The following ETV1 variants were observed in gnomAD, a reference collection of about 807,000 sequenced individuals.
The protein encoded by ETV1 is ETS variant transcription factor 1, also known as ETS translocation variant 1.
A neutral mutation model predicts 62.3 loss-of-function variants in ETV1; 27 were observed. That is an observed-to-expected ratio of 0.43 (90% CI 0.32 to 0.60). The LOEUF (loss-of-function observed/expected upper bound fraction) is 0.60, where lower values mean the gene tolerates loss of function less well. Among genes scored for constraint, ETV1 ranks in the 20% least tolerant of loss-of-function variants. The pLI, the probability that ETV1 is intolerant of heterozygous loss-of-function variation, is 0.06. For missense variants in ETV1, 605 were observed against 605.8 expected (o/e 1.00, Z 0.01); for synonymous variants, 222 against 199.6 (o/e 1.11, Z -0.94).
chr7:13,989,390 C>T lies in ETV1; in HGVS notation c.-210G>A. 1 of 461,188 alleles carries T rather than the reference C, an allele frequency of 2.2e-6. No homozygotes were observed. The highest frequency in any genetic ancestry group is 3.8e-6 in the Non-Finnish European group (1 of 263,814). 28.6% of individuals were successfully genotyped at this position (461,188 alleles called of 1,614,324 possible). ...GTTTCCCTGCGCGGTCGGTGTACCCCGGGCAGCTCTGATTCGCAAACGTGT... is the reference window on the plus strand; with the variant it reads ...GTTTCCCTGCGCGGTCGGTGTACCCTGGGCAGCTCTGATTCGCAAACGTGT... On this transcript the variant is annotated 5_prime_UTR_variant, in exon 2 of 14. Coordinates refer to ENST00000430479, the MANE Select transcript of ETV1 (RefSeq NM_004956.5).
chr7:13,966,700 G>A (rs1281499884), intron 6 of ETV1, among the ~76,000 whole-genome samples: 1 of 151,958 alleles, frequency 6.6e-6, no homozygotes, highest in Non-Finnish European at 1.5e-5. Context: ...TGAAACCTAA[G>A]CACATTTTCT....
intron 13 of ETV1, among the ~76,000 whole-genome samples, chr7:13,896,789 A>AAAGAAAGAAAGG (rs1491140240): frequency 1.3e-5 from 2 of 151,286 alleles, no homozygotes; most frequent in African/African-American, 2.4e-5. Flanking sequence ...AGAAAGAAAG[A>AAAGAAAGAAAGG]AAGGATACAC....
At chr7:13,918,232 G>A (rs1311795150) in intron 9 of ETV1, among the ~76,000 whole-genome samples, 1 of 152,042 alleles carries the variant, frequency 6.6e-6, no homozygotes, top group African/African-American at 2.4e-5. Context: ...GTTCATTTGG[G>A]TATATACCCA....
chr7:13,933,483 G>A (rs942371883), intron 8 of ETV1, among the ~76,000 whole-genome samples: 2 of 152,228 alleles, frequency 1.3e-5, no homozygotes, highest in African/African-American at 4.8e-5. Flanking sequence ...CAGGGCTCCT[G>A]CACAGTGGGT....
chr7:13,914,219 T>C (rs1783892165), intron 9 of ETV1, among the ~76,000 whole-genome samples: 1 of 152,050 alleles, frequency 6.6e-6, no homozygotes, highest in Non-Finnish European at 1.5e-5. Flanking sequence ...TTTACAGTAT[T>C]ACCCCCTCAT....
At position 13,988,494 on chromosome 7, in the gene ETV1, G is replaced by A; in HGVS notation, c.46-321C>T. On this transcript the variant is annotated intron_variant, in intron 3 of 13. Transcript: ENST00000430479. ...TACACTTAAAGTTGTTTTTAGGCTG[G>A]TTCAATGCTAGATTAAAACAGTGGG... 4.4e-6 allele frequency: 3 copies of A among 674,448 alleles called. No homozygotes were observed. In the South Asian group the frequency reaches 6.5e-5, roughly 15 times the overall value. The allele number at this position is 674,448 out of a possible 1,614,324, so 41.8% of individuals were successfully genotyped here. A position where few individuals can be genotyped will look rare whatever the true frequency, so the allele number is the denominator to read the frequency against.
At chr7:13,915,865 T>C (rs570427388) in intron 9 of ETV1, among the ~76,000 whole-genome samples, 1 of 152,314 alleles carries the variant, frequency 6.6e-6, no homozygotes, top group African/African-American at 2.4e-5. Flanking sequence ...GTGAGAATGA[T>C]AGCAAAAAAG....
chr7:13,963,346 C>T (rs898185009), intron 6 of ETV1, among the ~76,000 whole-genome samples: 2 of 151,808 alleles, frequency 1.3e-5, no homozygotes, highest in Admixed American at 1.3e-4. Flanking sequence ...CTGCATGTTA[C>T]CAAAATAAAG....
intron 10 of ETV1, among the ~76,000 whole-genome samples, chr7:13,909,908 T>C (rs1783391072): frequency 1.3e-5 from 2 of 152,144 alleles, no homozygotes; most frequent in Admixed American, 6.6e-5. Flanking sequence ...TATCATGTTA[T>C]AGGGTTGCTG....
intron 5 of ETV1, among the ~76,000 whole-genome samples, chr7:13,978,983 A>G (rs1781719184): frequency 6.6e-6 from 1 of 152,060 alleles, no homozygotes; most frequent in Admixed American, 6.6e-5. Context: ...ACAAATTAAT[A>G]ATTTTTTCAA....
chr7:13,950,012 G>C (rs936967275), intron 6 of ETV1, among the ~76,000 whole-genome samples: 1 of 152,090 alleles, frequency 6.6e-6, no homozygotes, highest in African/African-American at 2.4e-5. Context: ...AAGTTATTTC[G>C]GCAACACAGG....
Position 13,895,377 on chromosome 7 carries a change from A to C in ETV1, c.*489T>G, listed in dbSNP as rs917520537. 4.3e-6 allele frequency: 1 copy of C among 235,200 alleles called. No individual in the cohort carries two copies. Among genetic ancestry groups the C allele is most frequent in the African/African-American group, 2.2e-5 (1 of 45,382 alleles). The allele number at this position is 235,200 out of a possible 1,614,324, so 14.6% of individuals were successfully genotyped here. On this transcript the variant is annotated 3_prime_UTR_variant, in exon 14 of 14. Transcript: ENST00000430479. Reference sequence around the variant, plus strand: ...TTCTAACAATTAAACTGCCATTTACAGTAGATTGGGGTTTTTTTGTACACC... The same window carrying C: ...TTCTAACAATTAAACTGCCATTTACCGTAGATTGGGGTTTTTTTGTACACC...
At chr7:13,939,087 A>G (rs750623800) in intron 7 of ETV1, 30 bp downstream of exon 7, 14 of 1,600,294 alleles carry the variant, frequency 8.7e-6, no homozygotes, top group South Asian at 2.3e-5. Context: ...AAGAACCACT[A>G]TCCTACATAC....
intron 11 of ETV1, among the ~76,000 whole-genome samples, chr7:13,908,693 G>T (rs1380697748): frequency 6.6e-6 from 1 of 152,050 alleles, no homozygotes; most frequent in Non-Finnish European, 1.5e-5. Flanking sequence ...GTAGCACAAA[G>T]CTCGGGAACA....
At chr7:13,950,822 A>C (rs2128471717) in intron 6 of ETV1, among the ~76,000 whole-genome samples, 1 of 151,896 alleles carries the variant, frequency 6.6e-6, no homozygotes, top group East Asian at 1.9e-4. Context: ...GTTGCAAATA[A>C]CCAATTAACT....
In ETV1 at chr7:13,970,928, GA is replaced by G. The variant is rs796367190; in HGVS notation, c.235+6498del. Among the ~76,000 whole-genome samples, 1,105 of 145,586 alleles carry G rather than the reference GA, an allele frequency of 7.6e-3. 13 individuals carry two copies. Among genetic ancestry groups the G allele is most frequent in the African/African-American group, 0.025 (1,017 of 39,886 alleles). Reference sequence around the variant, plus strand: ...AAGTATTTCTTTTTTCCACTTCATTGAAAAAAAAAAGTCAAATGCTATTCTT... The same window carrying G: ...AAGTATTTCTTTTTTCCACTTCATTGAAAAAAAAAGTCAAATGCTATTCTT... On this transcript the variant is annotated intron_variant, in intron 6 of 13. Transcript: ENST00000430479.
At chr7:13,896,743 GGAAAGAAA>G (rs10694579) in intron 13 of ETV1, among the ~76,000 whole-genome samples, 2,873 of 114,972 alleles carry the variant, frequency 0.025, 58 homozygotes, top group Middle Eastern at 0.037. Flanking sequence ...AAGAAAGAAA[GGAAAGAAA>G]GAAAGAAAGA....
intron 9 of ETV1, among the ~76,000 whole-genome samples, chr7:13,926,135 T>G (rs1318544081): frequency 6.6e-6 from 1 of 152,186 alleles, no homozygotes; most frequent in Non-Finnish European, 1.5e-5. Flanking sequence ...CATAACTTAC[T>G]TTACCGTTCA....
Position 13,931,663 on chromosome 7 carries a change from T to C in ETV1, c.641A>G (p.Gln214Arg). The change falls in exon 9 of 14, where the codon CAG becomes CGG. Residue 214 changes from glutamine (Q) to arginine (R), a missense_variant. Physicochemically the swap from Gln to Arg is conservative, Grantham distance 43. Coordinates refer to ENST00000430479, the MANE Select transcript of ETV1 (RefSeq NM_004956.5). ...GAAGGGGATGTTTGGCTCAGACATC[T>C]GGCGTTGGTACATAGGACGTCCTTC... ...PREGRPMYQR[Q>R]MSEPNIPFPP... 6.2e-7 allele frequency: 1 copy of C among 1,613,990 alleles called. No individual in the cohort carries two copies. Among genetic ancestry groups the C allele is most frequent in the Non-Finnish European group, 8.5e-7 (1 of 1,179,884 alleles).
Sources: gnomAD v4.1 joint callset for allele counts (sites outside exome capture counted in the v4.1 genomes callset) on GRCh38, gnomAD v4.1.1 for gene constraint, MANE v1.5 for transcripts, NCBI Gene and HGNC (gene_info 2026-07-23, HGNC 2026-07-21) for gene names.